The following ENOX1 variants were observed in gnomAD, a reference collection of about 807,000 sequenced individuals.
ENOX1 encodes the protein candidate growth-related and time keeping constitutive hydroquinone (NADH) oxidase.
A neutral mutation model predicts 82.5 loss-of-function variants in ENOX1; 42 were observed. The ratio of observed to expected loss-of-function variants is 0.51; its 90% confidence interval spans 0.40 to 0.66. The LOEUF (loss-of-function observed/expected upper bound fraction) is 0.66. Ranked by LOEUF, ENOX1 falls within the 30% of genes least tolerant of loss-of-function variation. The pLI, the probability that ENOX1 is intolerant of heterozygous loss-of-function variation, is 0.00. For synonymous variants in ENOX1, 271 were observed against 282.2 expected (o/e 0.96, Z 0.40); for missense variants, 608 against 811.6 (o/e 0.75, Z 3.05).
intron 14 of ENOX1, among the ~76,000 whole-genome samples, chr13:43,262,128 CT>C (rs1373818473): frequency 6.6e-6 from 1 of 152,096 alleles, no homozygotes; most frequent in Non-Finnish European, 1.5e-5. Flanking sequence ...GCTTTTCCCT[CT>C]GGTCATATAC....
At chr13:43,342,844 G>A (rs564142076) in intron 9 of ENOX1, among the ~76,000 whole-genome samples, 2 of 152,282 alleles carry the variant, frequency 1.3e-5, no homozygotes, top group South Asian at 4.1e-4. Context: ...CTTCAAATAT[G>A]GGCCAACTTA....
intron 2 of ENOX1, among the ~76,000 whole-genome samples, chr13:43,598,048 C>T (rs919047293): frequency 6.6e-6 from 1 of 152,138 alleles, no homozygotes; most frequent in Non-Finnish European, 1.5e-5. Context: ...ATCTGACATA[C>T]ACTTTACATG....
intron 2 of ENOX1, among the ~76,000 whole-genome samples, chr13:43,514,896 C>T (rs4482181): frequency 0.16 from 23,540 of 151,348 alleles, 2,434 homozygotes; most frequent in East Asian, 0.49. Context: ...CCAACTGTAG[C>T]CCCCCCTTCC....
At chr13:43,618,006 T>C (rs1369014640) in intron 2 of ENOX1, among the ~76,000 whole-genome samples, 3 of 152,200 alleles carry the variant, frequency 2.0e-5, no homozygotes, top group Non-Finnish European at 4.4e-5. Flanking sequence ...CATTTTTTCA[T>C]GTTTCTTGGC....
chr13:43,216,014 G>C (rs544896770), intron 16 of ENOX1, among the ~76,000 whole-genome samples: 11 of 152,250 alleles, frequency 7.2e-5, no homozygotes, highest in African/African-American at 2.6e-4. Flanking sequence ...GGCTAACATG[G>C]TAAAACCCTG....
chr13:43,785,456 C>A (rs1449566667), intron 1 of ENOX1, among the ~76,000 whole-genome samples: 7 of 152,200 alleles, frequency 4.6e-5, no homozygotes, highest in African/African-American at 1.2e-4. Context: ...GGCCAGGAAC[C>A]TTTCCATACG....
At chr13:43,470,236 G>A (rs1288995643) in intron 3 of ENOX1, among the ~76,000 whole-genome samples, 1 of 88,214 alleles carries the variant, frequency 1.1e-5, no homozygotes, top group Non-Finnish European at 2.5e-5. Flanking sequence ...ATGTGTGTGT[G>A]TGTATATATA....
intron 1 of ENOX1, among the ~76,000 whole-genome samples, chr13:43,743,576 A>G (rs1949867747): frequency 6.6e-6 from 1 of 152,204 alleles, no homozygotes; most frequent in African/African-American, 2.4e-5. Context: ...ACTGAACTGG[A>G]AAAATGCTCC....
chr13:43,327,375 G>A (rs2048172300), intron 9 of ENOX1, among the ~76,000 whole-genome samples: 1 of 152,188 alleles, frequency 6.6e-6, no homozygotes, highest in Non-Finnish European at 1.5e-5. Context: ...TTTCAGGCCT[G>A]GTGCTACTGG....
intron 1 of ENOX1, among the ~76,000 whole-genome samples, chr13:43,741,760 G>GT (rs1949751770): frequency 1.3e-5 from 2 of 152,142 alleles, no homozygotes; most frequent in Admixed American, 6.5e-5. Context: ...CAATTTATCT[G>GT]TTTTTTGTTG....
intron 1 of ENOX1, among the ~76,000 whole-genome samples, chr13:43,776,218 G>T (rs1199777816): frequency 6.6e-6 from 1 of 152,130 alleles, no homozygotes; most frequent in African/African-American, 2.4e-5. Context: ...AGAACTGCTG[G>T]TAGAAAATAA....
At chr13:43,611,824 C>G (rs1456241996) in intron 2 of ENOX1, among the ~76,000 whole-genome samples, 1 of 152,214 alleles carries the variant, frequency 6.6e-6, no homozygotes, top group Non-Finnish European at 1.5e-5. Flanking sequence ...GGCTGAGAGG[C>G]CTAGGCTTGC....
At chr13:43,289,716 T>C (rs2045895275) in intron 12 of ENOX1, among the ~76,000 whole-genome samples, 1 of 152,062 alleles carries the variant, frequency 6.6e-6, no homozygotes, top group Non-Finnish European at 1.5e-5. Context: ...AAACCAAAAA[T>C]AGACAAGTGG....
intron 1 of ENOX1, among the ~76,000 whole-genome samples, chr13:43,780,625 C>A (rs1483569279): frequency 6.6e-6 from 1 of 152,186 alleles, no homozygotes; most frequent in East Asian, 1.9e-4. Flanking sequence ...TTCAGGGACA[C>A]TACCTCCTCC....
intron 5 of ENOX1, among the ~76,000 whole-genome samples, chr13:43,396,047 A>G (rs78311691): frequency 0.011 from 1,745 of 152,262 alleles, 31 homozygotes; most frequent in African/African-American, 0.04. Flanking sequence ...TGATAAGAAA[A>G]TCTCTACTTG....
At chr13:43,263,670 C>T (rs2044210381) in intron 14 of ENOX1, among the ~76,000 whole-genome samples, 1 of 152,240 alleles carries the variant, frequency 6.6e-6, no homozygotes, top group Non-Finnish European at 1.5e-5. Context: ...CTTCCACATA[C>T]ATTCTCTCAT....
chr13:43,263,070 C>T (rs1373039862), intron 14 of ENOX1, among the ~76,000 whole-genome samples: 1 of 152,128 alleles, frequency 6.6e-6, no homozygotes, highest in Non-Finnish European at 1.5e-5. Context: ...TGCCAGTGCT[C>T]CTAATGTGAG....
intron 2 of ENOX1, among the ~76,000 whole-genome samples, chr13:43,590,086 C>A (rs1487769581): frequency 6.6e-6 from 1 of 151,938 alleles, no homozygotes; most frequent in Non-Finnish European, 1.5e-5. Flanking sequence ...AATCGTTATG[C>A]TCTAAGTGGC....
At chr13:43,404,005 G>A (rs1391904338) in intron 5 of ENOX1, among the ~76,000 whole-genome samples, 1 of 152,104 alleles carries the variant, frequency 6.6e-6, no homozygotes, top group African/African-American at 2.4e-5. Context: ...CCCATTGGAT[G>A]TATCTAGGCC....
Sources: allele counts gnomAD v4.1 joint callset (sites outside exome capture counted in the v4.1 genomes callset), GRCh38; gene constraint gnomAD v4.1.1; transcripts MANE v1.5; gene names NCBI Gene and HGNC (gene_info 2026-07-23, HGNC 2026-07-21).